The following BNC2 variants were observed in gnomAD, a reference collection of about 807,000 sequenced individuals.
BNC2 encodes the protein basonuclin zinc finger protein 2, also known as zinc finger protein basonuclin-2.
Under a neutral mutation model 76.3 loss-of-function variants are expected in BNC2, and 20 were observed. The observed-to-expected ratio is 0.26, with a 90% CI of 0.18 to 0.38. The LOEUF (loss-of-function observed/expected upper bound fraction) is 0.38, where lower values mean the gene tolerates loss of function less well. BNC2 is among the 10% of genes least tolerant of loss of function. BNC2 has a pLI of 1.00. For synonymous variants in BNC2, 582 were observed against 514.8 expected (o/e 1.13, Z -1.77); for missense variants, 1,382 against 1,399.8 (o/e 0.99, Z 0.20).
intron 5 of BNC2, among the ~76,000 whole-genome samples, chr9:16,537,952 A>T (rs982409540): frequency 1.1e-4 from 17 of 152,194 alleles, no homozygotes; most frequent in Admixed American, 7.2e-4. Context: ...ATACTTTTCC[A>T]TATGGGAAAT....
At chr9:16,688,206 C>T (rs1823034305) in intron 3 of BNC2, among the ~76,000 whole-genome samples, 1 of 152,138 alleles carries the variant, frequency 6.6e-6, no homozygotes, top group South Asian at 2.1e-4. Flanking sequence ...GGAAATCTTT[C>T]AACACGGAAA....
chr9:16,565,777 C>T (rs1819148970), intron 4 of BNC2, among the ~76,000 whole-genome samples: 1 of 150,322 alleles, frequency 6.7e-6, no homozygotes, highest in African/African-American at 2.5e-5. Context: ...CACTGCACTC[C>T]AGCCTAAGCA....
At chr9:16,450,610 C>T (rs533179704) in intron 5 of BNC2, among the ~76,000 whole-genome samples, 2 of 152,332 alleles carry the variant, frequency 1.3e-5, no homozygotes, top group Admixed American at 1.3e-4. Flanking sequence ...CGCCTTATGA[C>T]AGCCACAGGT....
At chr9:16,793,891 A>C (rs1378346634) in intron 1 of BNC2, among the ~76,000 whole-genome samples, 1 of 118,544 alleles carries the variant, frequency 8.4e-6, no homozygotes. Context: ...TTTAGTAGAG[A>C]CGGAGTTTCA....
intron 3 of BNC2, among the ~76,000 whole-genome samples, chr9:16,691,933 C>T (rs1013842637): frequency 6.6e-6 from 1 of 151,898 alleles, no homozygotes; most frequent in East Asian, 1.9e-4. Flanking sequence ...GCCTCATTCT[C>T]CCGAGTAGCT....
At chr9:16,842,104 C>A (rs1368052440) in intron 1 of BNC2, among the ~76,000 whole-genome samples, 3 of 152,172 alleles carry the variant, frequency 2.0e-5, no homozygotes, top group Non-Finnish European at 2.9e-5. Flanking sequence ...GCCACACACC[C>A]GGCCTGCAAG....
At chr9:16,866,989 T>C (rs1390448388) in intron 1 of BNC2, among the ~76,000 whole-genome samples, 2 of 152,202 alleles carry the variant, frequency 1.3e-5, no homozygotes, top group Admixed American at 1.3e-4. Flanking sequence ...TTGCTCCTTA[T>C]ATATTTATCA....
intron 6 of BNC2, among the ~76,000 whole-genome samples, chr9:16,423,587 C>T (rs75406404): frequency 2.6e-3 from 392 of 152,256 alleles, no homozygotes; most frequent in Non-Finnish European, 4.6e-3. Context: ...CATTGGTTTC[C>T]CTTCCATCAA....
At chr9:16,777,649 G>C (rs546408714) in intron 1 of BNC2, among the ~76,000 whole-genome samples, 2 of 147,608 alleles carry the variant, frequency 1.4e-5, no homozygotes, top group Non-Finnish European at 3.0e-5. Flanking sequence ...TGCAGTGAGC[G>C]GAGATTGCAC....
At chr9:16,854,689 T>TA (rs984460717) in intron 1 of BNC2, among the ~76,000 whole-genome samples, 6 of 151,908 alleles carry the variant, frequency 3.9e-5, no homozygotes, top group African/African-American at 1.5e-4. Context: ...ATTAGATCCA[T>TA]AAAAAACCAA....
intron 3 of BNC2, among the ~76,000 whole-genome samples, chr9:16,639,903 C>A (rs1255548093): frequency 6.6e-6 from 1 of 151,872 alleles, no homozygotes; most frequent in African/African-American, 2.4e-5. Context: ...GCCTGGGCAA[C>A]AGAGTGAGAC....
At chr9:16,807,979 C>T (rs1817953431) in intron 1 of BNC2, among the ~76,000 whole-genome samples, 1 of 152,128 alleles carries the variant, frequency 6.6e-6, no homozygotes, top group Non-Finnish European at 1.5e-5. Flanking sequence ...AGATAATTAA[C>T]TTTCTGAGCT....
At chr9:16,638,843 C>T (rs1821404882) in intron 3 of BNC2, among the ~76,000 whole-genome samples, 1 of 152,120 alleles carries the variant, frequency 6.6e-6, no homozygotes, top group Admixed American at 6.5e-5. Context: ...AATTGCCTCA[C>T]TTAAAACCAC....
intron 1 of BNC2, among the ~76,000 whole-genome samples, chr9:16,748,819 G>C (rs1825087852): frequency 1.6e-5 from 2 of 127,280 alleles, no homozygotes; most frequent in African/African-American, 6.0e-5. Context: ...CTCCAGCCTG[G>C]GCAACAGAGC....
At chr9:16,448,794 C>G (rs80308932) in intron 5 of BNC2, among the ~76,000 whole-genome samples, 220 of 152,260 alleles carry the variant, frequency 1.4e-3, no homozygotes, top group African/African-American at 5.2e-3. Flanking sequence ...CATCAGGGAA[C>G]AACACATTAT....
intron 2 of BNC2, among the ~76,000 whole-genome samples, chr9:16,732,076 C>A (rs1824520198): frequency 6.7e-6 from 1 of 148,856 alleles, no homozygotes; most frequent in Non-Finnish European, 1.5e-5. Flanking sequence ...AGCAATAATT[C>A]CCACAACCGT....
chr9:16,630,333 A>T (rs1821124243), intron 3 of BNC2, among the ~76,000 whole-genome samples: 1 of 152,256 alleles, frequency 6.6e-6, no homozygotes, highest in Non-Finnish European at 1.5e-5. Context: ...GAAAGAGCTA[A>T]TATGGCTGAG....
chr9:16,870,572 G>A, intron 1 of BNC2, 74 bp downstream of exon 1: 2 of 1,571,278 alleles, frequency 1.3e-6, no homozygotes, highest in South Asian at 1.1e-5. Flanking sequence ...GGGCGGCCCC[G>A]GTGGCGCTCG....
chr9:16,507,250 CTTTT>C (rs36072200), intron 5 of BNC2, among the ~76,000 whole-genome samples: 1 of 83,168 alleles, frequency 1.2e-5, no homozygotes, highest in African/African-American at 5.1e-5. Context: ...TGTCCATTTG[CTTTT>C]TTTTTTTTTT....
Sources: allele counts gnomAD v4.1 joint callset (sites outside exome capture counted in the v4.1 genomes callset), GRCh38; gene constraint gnomAD v4.1.1; transcripts MANE v1.5; gene names NCBI Gene and HGNC (gene_info 2026-07-23, HGNC 2026-07-21).